The following SAMD5 variants were observed in gnomAD, a reference collection of about 807,000 sequenced individuals.
SAMD5 encodes the protein sterile alpha motif domain-containing protein 5.
In SAMD5, 13 loss-of-function variants were observed where a neutral mutation model predicts 11.3. The ratio of observed to expected loss-of-function variants is 1.15; its 90% CI spans 0.75 to 1.83. The LOEUF (loss-of-function observed/expected upper bound fraction) is 1.83, where lower values mean the gene tolerates loss of function less well. Among genes scored for constraint, SAMD5 ranks in the 40% most tolerant of loss-of-function variants. SAMD5 has a pLI of 0.00. For synonymous variants in SAMD5, 129 were observed against 111.3 expected (o/e 1.16, Z -1.00); for missense variants, 255 against 239.1 (o/e 1.07, Z -0.44).
chr6:147,548,473 C>T (rs540011000), intron 1 of SAMD5, among the ~76,000 whole-genome samples: 4 of 152,284 alleles, frequency 2.6e-5, no homozygotes, highest in East Asian at 1.9e-4. Flanking sequence ...AACTTTACCC[C>T]AGAATGGGAA....
At chr6:147,636,744 G>T (rs1790235699) in intron 1 of SAMD5, among the ~76,000 whole-genome samples, 1 of 152,162 alleles carries the variant, frequency 6.6e-6, no homozygotes, top group East Asian at 1.9e-4. Context: ...TCCTTATAAA[G>T]GGTCAGCCAT....
intron 1 of SAMD5, among the ~76,000 whole-genome samples, chr6:147,736,249 C>T (rs1430185815): frequency 6.6e-6 from 1 of 152,114 alleles, no homozygotes; most frequent in Non-Finnish European, 1.5e-5. Context: ...ATGTAAGGTA[C>T]AAAGAACGAT....
chr6:147,726,536 A>AGGTCCAGGCCCAGGCCCC (rs1452935649), intron 1 of SAMD5, among the ~76,000 whole-genome samples: 1 of 152,164 alleles, frequency 6.6e-6, no homozygotes, highest in Non-Finnish European at 1.5e-5. Flanking sequence ...GCCCAGGCCC[A>AGGTCCAGGCCCAGGCCCC]GGTCCAGGCC....
At chr6:147,729,208 C>T (rs1791673855) in intron 1 of SAMD5, among the ~76,000 whole-genome samples, 1 of 152,148 alleles carries the variant, frequency 6.6e-6, no homozygotes, top group South Asian at 2.1e-4. Flanking sequence ...AGGGCCCCAC[C>T]CATAGGACCT....
At chr6:147,900,452 G>A in the SAMD5 span, among the ~76,000 whole-genome samples, 1 of 152,166 alleles carries the variant, frequency 6.6e-6, no homozygotes, top group Non-Finnish European at 1.5e-5. Context: ...CAGGTCATTC[G>A]TATAATGAGC....
the SAMD5 span, among the ~76,000 whole-genome samples, chr6:147,780,819 C>T: frequency 1.3e-5 from 2 of 152,248 alleles, no homozygotes; most frequent in East Asian, 3.9e-4. Flanking sequence ...CTTTTTAAAA[C>T]TTGATGACCT....
intron 1 of SAMD5, among the ~76,000 whole-genome samples, chr6:147,734,417 T>C (rs1791760918): frequency 6.6e-6 from 1 of 152,086 alleles, no homozygotes; most frequent in Non-Finnish European, 1.5e-5. Context: ...GCATTCACTA[T>C]TAAGATTTAG....
chr6:147,771,606 G>A, the SAMD5 span, among the ~76,000 whole-genome samples: 2 of 152,092 alleles, frequency 1.3e-5, no homozygotes, highest in Non-Finnish European at 2.9e-5. Flanking sequence ...ATTATGCATT[G>A]TCTTATCTCC....
In SAMD5 at chr6:147,565,371, G is replaced by A. The variant is rs1206674433; in HGVS notation, c.*915G>A. On this transcript the variant is annotated 3_prime_UTR_variant, in exon 2 of 2. Coordinates refer to ENST00000367474, the MANE Select transcript of SAMD5 (RefSeq NM_001030060.3). ...GCCCTGTAGAACTACGGCTGAAAAA[G>A]AAAGTAGATTGAGGTGGGGGGAGGA... 2 of 985,670 alleles carry A rather than the reference G, an allele frequency of 2.0e-6. No homozygotes were observed. The highest frequency in any genetic ancestry group is 3.5e-5 in the African/African-American group (2 of 57,226). The allele number at this position is 985,670 out of a possible 1,614,324, so 61.1% of individuals were successfully genotyped here. A position where few individuals can be genotyped will look rare whatever the true frequency, so the allele number is the denominator to read the frequency against.
At chr6:147,535,421 T>TAATGAAAACA (rs1271748466) in intron 1 of SAMD5, among the ~76,000 whole-genome samples, 2 of 152,242 alleles carry the variant, frequency 1.3e-5, no homozygotes, top group African/African-American at 4.8e-5. Context: ...GTTTGGGGAT[T>TAATGAAAACA]TTAACCTGCA....
the SAMD5 span, among the ~76,000 whole-genome samples, chr6:147,785,779 GA>G: frequency 1.3e-5 from 2 of 152,170 alleles, no homozygotes; most frequent in Admixed American, 6.5e-5. Context: ...GGCAAATGAT[GA>G]AGAAAATAAC....
chr6:147,555,326 A>G (rs1401769394), intron 1 of SAMD5, among the ~76,000 whole-genome samples: 1 of 152,244 alleles, frequency 6.6e-6, no homozygotes, highest in East Asian at 1.9e-4. Flanking sequence ...TGAAAGAACA[A>G]CTGAGAACAA....
At position 147,692,238 on chromosome 6, in the gene SAMD5, C is replaced by A. The variant is rs573550768; in HGVS notation, c.163-45079C>A. On this transcript the variant is annotated intron_variant, in intron 1 of 1. Coordinates refer to the SAMD5 transcript ENST00000566741. ...CTGTCTTTAGTATGGTGTATTTCAA[C>A]CCTGCGCAACTCTTACAGTAAGTAC... 1.2e-4 allele frequency among the ~76,000 whole-genome samples: 18 copies of A among 152,266 alleles called. 1 individual carries two copies. In the East Asian group the frequency reaches 3.3e-3, roughly 28 times the overall value.
At chr6:147,866,810 G>A in the SAMD5 span, among the ~76,000 whole-genome samples, 1 of 151,970 alleles carries the variant, frequency 6.6e-6, no homozygotes, top group Non-Finnish European at 1.5e-5. Flanking sequence ...CAAATACATC[G>A]TAGACACAAA....
At chr6:147,909,984 C>T in the SAMD5 span, among the ~76,000 whole-genome samples, 1 of 152,054 alleles carries the variant, frequency 6.6e-6, no homozygotes, top group Non-Finnish European at 1.5e-5. Context: ...TCATTTAGTG[C>T]TCCAGTGTCT....
chr6:147,579,111 G>A (rs530601795), intron 1 of SAMD5, among the ~76,000 whole-genome samples: 1 of 152,358 alleles, frequency 6.6e-6, no homozygotes, highest in South Asian at 2.1e-4. Flanking sequence ...TGCCCTGCAG[G>A]TACTGCATTG....
the SAMD5 span, among the ~76,000 whole-genome samples, chr6:147,811,749 A>G: frequency 6.6e-6 from 1 of 151,730 alleles, no homozygotes; most frequent in African/African-American, 2.4e-5. Context: ...AGATACTGAG[A>G]ATGAGTCACT....
chr6:147,888,680 C>T, the SAMD5 span, among the ~76,000 whole-genome samples: 3 of 151,734 alleles, frequency 2.0e-5, no homozygotes, highest in Non-Finnish European at 4.4e-5. Flanking sequence ...ATCAGGAGTT[C>T]GAGACCAGCC....
In SAMD5 at chr6:147,650,898, G is replaced by A. The variant is rs527322604; in HGVS notation, c.163-86419G>A. 2.9e-4 allele frequency among the ~76,000 whole-genome samples: 44 copies of A among 152,280 alleles called. 1 individual carries two copies. The highest frequency in any genetic ancestry group is 1.1e-3 in the African/African-American group (44 of 41,554). ...ATCTAGGTCAGGGAGAGAGATTTTG[G>A]GAGTTGGTGGCTTTTAGGCATATTT... On this transcript the variant is annotated intron_variant, in intron 1 of 1. Coordinates refer to the SAMD5 transcript ENST00000566741.
Sources: gnomAD v4.1 joint callset for allele counts (sites outside exome capture counted in the v4.1 genomes callset) on GRCh38, gnomAD v4.1.1 for gene constraint, MANE v1.5 for transcripts, NCBI Gene and HGNC (gene_info 2026-07-23, HGNC 2026-07-21) for gene names.